ZMYM6: variants seen among roughly 807,000 people sequenced by gnomAD.
ZMYM6 encodes zinc finger MYM-type containing 6, also known as zinc finger MYM-type protein 6.
ZMYM6 carries 90 observed loss-of-function variants against 134.0 expected under a neutral mutation model. The observed-to-expected ratio is 0.67, with a 90% confidence interval of 0.57 to 0.80. The LOEUF (loss-of-function observed/expected upper bound fraction) is 0.80. ZMYM6 is among the 30% of genes least tolerant of loss of function. The pLI is 0.00. For synonymous variants in ZMYM6, 481 were observed against 524.1 expected, an observed-to-expected ratio of 0.92 and a Z score of 1.12; for missense variants, 1,362 against 1,533.9, an observed-to-expected ratio of 0.89 and a Z score of 1.87.
In ZMYM6 at chr1:34,988,687, T is replaced by G. The variant is rs1003033833; in HGVS notation, c.2395A>C (p.Lys799Gln). ...TTTTGTTCAAAAAAATCTACTGGTT[T>G]GTTTTCTAATTCTGAATGTTTTGTC... ...LKTKHSELENKPVDFFEQKSL... is the reference protein window; with the variant it reads ...LKTKHSELENQPVDFFEQKSL... Residue 799 changes from lysine (K) to glutamine (Q), a missense_variant, in exon 16 of 16, where the codon AAA becomes CAA. Coordinates refer to ENST00000357182, the MANE Select transcript of ZMYM6 (RefSeq NM_007167.4). The G allele has an allele frequency of 6.5e-7, 1 of 1,549,452 alleles. No homozygotes were observed. The highest frequency in any genetic ancestry group is 1.4e-5 in the African/African-American group (1 of 72,970).
chr1:35,022,431 T>C (rs1248289109), intron 2 of ZMYM6, among the ~76,000 whole-genome samples: 1 of 152,068 alleles, frequency 6.6e-6, no homozygotes, highest in Non-Finnish European at 1.5e-5. Flanking sequence ...GCCCAGCTAA[T>C]TTTTGTATTT....
intron 2 of ZMYM6, among the ~76,000 whole-genome samples, chr1:35,028,531 A>C (rs529193745): frequency 6.6e-6 from 1 of 150,698 alleles, no homozygotes; most frequent in Non-Finnish European, 1.5e-5. Flanking sequence ...ACGGAGTCTC[A>C]CTCTGTCACC....
At chr1:35,001,270 G>GT (rs35069895) in intron 14 of ZMYM6, among the ~76,000 whole-genome samples, 2,445 of 111,078 alleles carry the variant, frequency 0.022, 25 homozygotes, top group Non-Finnish European at 0.033. Flanking sequence ...ACTGTCAGGT[G>GT]TTTTTTTTTT....
At position 35,029,282 on chromosome 1, in the gene ZMYM6, A is replaced by G. The variant is rs567298179; in HGVS notation, c.93+1265T>C. Reference sequence around the variant, plus strand: ...CCTACATAATCCAGCCTTAAACTATATATACAGCCTTATCATAGAGAAGCA... The same window carrying G: ...CCTACATAATCCAGCCTTAAACTATGTATACAGCCTTATCATAGAGAAGCA... On this transcript the variant is annotated intron_variant, in intron 2 of 15. Transcript: ENST00000357182. Among the ~76,000 whole-genome samples, 7 of 152,338 alleles carry G rather than the reference A, an allele frequency of 4.6e-5. No individual in the cohort carries two copies. In the East Asian group the frequency reaches 1.3e-3, roughly 29 times the overall value.
chr1:34,991,433 G>A (rs1640671038), intron 15 of ZMYM6, among the ~76,000 whole-genome samples: 1 of 152,056 alleles, frequency 6.6e-6, no homozygotes, highest in Non-Finnish European at 1.5e-5. Flanking sequence ...GACAGACTAA[G>A]CTTTTAAATA....
In ZMYM6 at chr1:34,988,204, G is replaced by A; in HGVS notation, c.2878C>T (p.Leu960=). ...TQITGFEIFE[L]INKYIDSKSL... ...TTACTATCAATATATTTATTTATTA[G>A]TTCAAATATTTCAAAGCCAGTTATT... Residue 960 remains leucine (L), a synonymous_variant, in exon 16 of 16, where the codon CTA becomes TTA. Coordinates refer to ENST00000357182, the MANE Select transcript of ZMYM6 (RefSeq NM_007167.4). 6.5e-7 allele frequency: 1 copy of A among 1,548,508 alleles called. No individual in the cohort carries two copies. The highest frequency in any genetic ancestry group is 8.7e-7 in the Non-Finnish European group (1 of 1,145,574).
At chr1:34,993,886 C>T (rs1044894769) in intron 14 of ZMYM6, among the ~76,000 whole-genome samples, 3 of 151,840 alleles carry the variant, frequency 2.0e-5, no homozygotes, top group Admixed American at 6.6e-5. Flanking sequence ...GGGATTTCAC[C>T]GTGTTAGCCA....
At chr1:34,998,870 C>T (rs1640832072) in intron 14 of ZMYM6, among the ~76,000 whole-genome samples, 1 of 152,056 alleles carries the variant, frequency 6.6e-6, no homozygotes, top group Non-Finnish European at 1.5e-5. Flanking sequence ...CACCTGTATC[C>T]TAGCATTTTG....
chr1:35,019,315 A>C, intron 4 of ZMYM6, 38 bp downstream of exon 4: 1 of 1,613,948 alleles, frequency 6.2e-7, no homozygotes, highest in Non-Finnish European at 8.5e-7. Context: ...CACACTAAAA[A>C]AAAGGTAAAG....
chr1:35,021,774 A>G (rs1378207251), intron 2 of ZMYM6, among the ~76,000 whole-genome samples: 2 of 152,228 alleles, frequency 1.3e-5, no homozygotes, highest in Non-Finnish European at 2.9e-5. Context: ...TAAAATCATC[A>G]CAGACAAAAT....
intron 10 of ZMYM6, among the ~76,000 whole-genome samples, chr1:35,009,355 T>C (rs1641043353): frequency 6.6e-6 from 1 of 152,160 alleles, no homozygotes; most frequent in Non-Finnish European, 1.5e-5. Flanking sequence ...CTGGCTCGCC[T>C]TGGCCTCCCA....
intron 4 of ZMYM6, chr1:35,018,381 A>G (rs1225523219): frequency 6.6e-6 from 1 of 152,072 alleles, no homozygotes; most frequent in East Asian, 1.9e-4. Flanking sequence ...ATCTACTTTT[A>G]AATAGTTTAA....
At chr1:35,023,775 CCAT>C (rs1407163790) in intron 2 of ZMYM6, among the ~76,000 whole-genome samples, 1 of 151,812 alleles carries the variant, frequency 6.6e-6, no homozygotes, top group Non-Finnish European at 1.5e-5. Context: ...GCGCCCACCA[CCAT>C]GCCTGGCTAA....
chr1:35,013,600 T>C, intron 6 of ZMYM6: 1 of 985,446 alleles, frequency 1.0e-6, no homozygotes, highest in Non-Finnish European at 1.2e-6. Flanking sequence ...CATATGTCCA[T>C]TACCAACTGC....
chr1:34,991,560 A>G (rs1640673918), intron 15 of ZMYM6, among the ~76,000 whole-genome samples: 1 of 152,164 alleles, frequency 6.6e-6, no homozygotes, highest in East Asian at 1.9e-4. Context: ...ACCTGAGGTC[A>G]GGAGTTCAAA....
chr1:35,010,590 A>AT lies in ZMYM6; in HGVS notation c.1348dup (p.Met450AsnfsTer11). 1 of 1,610,028 alleles carries AT rather than the reference A, an allele frequency of 6.2e-7. No individual in the cohort carries two copies. The highest frequency in any genetic ancestry group is 8.5e-7 in the Non-Finnish European group (1 of 1,178,980). ...GCAATTCTTGCCACAAAACAGAAAC[A>AT]TTTTACCCTGCAGAGAAACAACAGT... On this transcript the variant is annotated frameshift_variant, in exon 10 of 16. Transcript: ENST00000357182. LOFTEE classifies it high-confidence loss of function.
chr1:35,027,625 C>G (rs995006515), intron 2 of ZMYM6, among the ~76,000 whole-genome samples: 2 of 151,778 alleles, frequency 1.3e-5, no homozygotes, highest in African/African-American at 4.8e-5. Flanking sequence ...TTGTGGTCAG[C>G]TACCTGGGAG....
chr1:35,029,063 G>A (rs1331959146), intron 2 of ZMYM6, among the ~76,000 whole-genome samples: 1 of 151,830 alleles, frequency 6.6e-6, no homozygotes, highest in Non-Finnish European at 1.5e-5. Context: ...GTGGTGGCAG[G>A]CGCCTATAAT....
Position 35,015,107 on chromosome 1 carries a change from T to C in ZMYM6, c.484A>G (p.Ser162Gly). The change falls in exon 5 of 16, where the codon AGC becomes GGC. Residue 162 changes from serine to glycine, a missense_variant. Ser to Gly is a moderately conservative substitution (Grantham distance 56, BLOSUM62 0). Transcript: ENST00000357182. ...ITTRFENSYP[S>G]KDFCSQSCLS... ...CATGATTGGCTGCAGAAATCTTTGC[T>C]AGGATAGGAATTCTCAAAGCGAGTT... 1 of 1,613,744 alleles carries C rather than the reference T, an allele frequency of 6.2e-7. No individual in the cohort carries two copies. Among genetic ancestry groups the C allele is most frequent in the Non-Finnish European group, 8.5e-7 (1 of 1,179,900 alleles).
Sources: allele counts gnomAD v4.1 joint callset (sites outside exome capture counted in the v4.1 genomes callset), GRCh38; gene constraint gnomAD v4.1.1; transcripts MANE v1.5; gene names NCBI Gene and HGNC (gene_info 2026-07-23, HGNC 2026-07-21).